The following KIFAP3 variants were observed in gnomAD, a reference collection of about 807,000 sequenced individuals.
KIFAP3 encodes the protein kinesin-associated protein 3.
Under a neutral mutation model 106.5 loss-of-function variants are expected in KIFAP3, and 68 were observed. The ratio of observed to expected loss-of-function variants is 0.64; its 90% confidence interval spans 0.53 to 0.78. The LOEUF (loss-of-function observed/expected upper bound fraction) is 0.78, where lower values mean the gene tolerates loss of function less well. Ranked by LOEUF, KIFAP3 falls within the 30% of genes least tolerant of loss-of-function variation. KIFAP3 has a pLI of 0.00. For missense variants in KIFAP3, 780 were observed against 941.8 expected (o/e 0.83, Z 2.25); for synonymous variants, 320 against 311.5 (o/e 1.03, Z -0.29).
intron 3 of KIFAP3, among the ~76,000 whole-genome samples, chr1:170,040,118 A>G (rs1669896736): frequency 6.6e-6 from 1 of 152,160 alleles, no homozygotes; most frequent in African/African-American, 2.4e-5. Context: ...AAGCTCATAC[A>G]TTCTCAACAG....
In KIFAP3 at chr1:170,081,786, A is replaced by G. The variant is rs138811311; in HGVS notation, n.174+3249T>C. On this transcript the variant is annotated intron_variant and non_coding_transcript_variant, in intron 1 of 5. Coordinates refer to the KIFAP3 transcript ENST00000490550. Reference sequence around the variant, plus strand: ...TAGGTCCTTAACTTTAATCACATCTATCAAGTTCCTTTTGCCATGTAGGTA... The same window carrying G: ...TAGGTCCTTAACTTTAATCACATCTGTCAAGTTCCTTTTGCCATGTAGGTA... Among the ~76,000 whole-genome samples, 69 of 152,298 alleles carry G rather than the reference A, an allele frequency of 4.5e-4. 4 individuals are homozygous for G. In the East Asian group the frequency reaches 0.013, roughly 29 times the overall value.
At chr1:170,084,029 A>T (rs542329602) in intron 1 of KIFAP3, among the ~76,000 whole-genome samples, 3 of 152,224 alleles carry the variant, frequency 2.0e-5, no homozygotes, top group Admixed American at 6.5e-5. Flanking sequence ...TTATAATTTG[A>T]CAGGAGAGAA....
chr1:170,015,324 T>C (rs1668449082), intron 10 of KIFAP3, among the ~76,000 whole-genome samples: 1 of 152,156 alleles, frequency 6.6e-6, no homozygotes, highest in Admixed American at 6.5e-5. Context: ...CATAATTATG[T>C]CAGATTTATA....
At chr1:169,940,481 G>C (rs1664047609) in intron 19 of KIFAP3, among the ~76,000 whole-genome samples, 1 of 152,176 alleles carries the variant, frequency 6.6e-6, no homozygotes. Flanking sequence ...ACATGGGGGA[G>C]GAGAGACGAT....
chr1:169,983,272 T>C lies in KIFAP3; in HGVS notation c.1504A>G (p.Ile502Val), dbSNP rs200812763. The change falls in exon 13 of 20, where the codon ATT becomes GTT. Residue 502 changes from isoleucine (I) to valine (V), a missense_variant and splice_region_variant. Around this residue, in one of 3 missense-constraint regions of KIFAP3, gnomAD observed 588 missense variants for 678.9 expected, o/e 0.87. Coordinates refer to ENST00000361580, the MANE Select transcript of KIFAP3 (RefSeq NM_014970.4). Reference protein sequence around the residue: ...QHDGPTKNLFIDYVGDLAAQI... With the variant: ...QHDGPTKNLFVDYVGDLAAQI... ...TAGAAAGCCAAAATGATACTTACAA[T>C]AAACAGATTTTTAGTTGGTCCATCA... is the stretch of plus-strand genomic sequence containing the variant. 2.2e-5 allele frequency: 35 copies of C among 1,575,068 alleles called. No homozygotes were observed. In the East Asian group the frequency reaches 7.7e-4, roughly 35 times the overall value.
intron 3 of KIFAP3, among the ~76,000 whole-genome samples, chr1:170,044,208 TG>T (rs557309057): frequency 2.6e-5 from 4 of 152,230 alleles, no homozygotes; most frequent in Non-Finnish European, 5.9e-5. Flanking sequence ...TTTACCTAAA[TG>T]TCTTATGAAA....
chr1:170,034,379 C>T lies in KIFAP3; in HGVS notation c.735G>A (p.Lys245=). The T allele has an allele frequency of 6.2e-7, 1 of 1,605,604 alleles. No individual in the cohort carries two copies. The highest frequency in any genetic ancestry group is 8.5e-7 in the Non-Finnish European group (1 of 1,176,372). ...ELWQEELSKK[K]KAVDEDPENQ... ...GCCACTCTAAAAGGATATCAGCTTT[C>T]TTCTTCTTTGAGAGTTCTTCTTGCC... Residue 245 remains lysine, a synonymous_variant, in exon 7 of 20, where the codon AAG becomes AAA. Transcript: ENST00000361580.
In KIFAP3 at chr1:170,038,424, T is replaced by C. The variant is rs1669797129; in HGVS notation, c.383A>G (p.Glu128Gly). 17 of 1,605,226 alleles carry C rather than the reference T, an allele frequency of 1.1e-5. No homozygotes were observed. Among genetic ancestry groups the C allele is most frequent in the Non-Finnish European group, 1.4e-5 (17 of 1,177,874 alleles). Reference protein sequence around the residue: ...PPPFEGMEIDEVANINDMDEY... With the variant: ...PPPFEGMEIDGVANINDMDEY... ...ATCCATGTCATTAATGTTAGCAACTTCATCAATCTGAAACAAAGAGGCAGA... is the reference window on the plus strand; with the variant it reads ...ATCCATGTCATTAATGTTAGCAACTCCATCAATCTGAAACAAAGAGGCAGA... Residue 128 changes from glutamate to glycine, a missense_variant, in exon 5 of 20, where the codon GAA (glutamate) becomes GGA (glycine). By Grantham distance (98) the Glu-to-Gly change is moderately conservative. This residue lies in a region of KIFAP3 where 588 missense variants were observed against 678.9 expected (regional missense o/e 0.87). Transcript: ENST00000361580.
At chr1:170,006,689 T>C (rs796200385) in intron 10 of KIFAP3, among the ~76,000 whole-genome samples, 7 of 152,230 alleles carry the variant, frequency 4.6e-5, no homozygotes, top group African/African-American at 1.7e-4. Flanking sequence ...TTTACTGACA[T>C]GAGAAAGACA....
chr1:169,935,607 T>A (rs1663747504), intron 19 of KIFAP3, among the ~76,000 whole-genome samples: 1 of 152,016 alleles, frequency 6.6e-6, no homozygotes, highest in Admixed American at 6.6e-5. Flanking sequence ...ATGTTCCTGT[T>A]TAAGTGTATT....
At chr1:170,003,622 C>A (rs1375119131) in intron 10 of KIFAP3, among the ~76,000 whole-genome samples, 1 of 152,100 alleles carries the variant, frequency 6.6e-6, no homozygotes, top group Admixed American at 6.5e-5. Context: ...TGTGCCCTGC[C>A]CCCAGAGGTG....
chr1:170,072,332 T>C (rs888087913), intron 1 of KIFAP3, among the ~76,000 whole-genome samples: 6 of 152,174 alleles, frequency 3.9e-5, no homozygotes, highest in Non-Finnish European at 8.8e-5. Flanking sequence ...CCTACCTTTA[T>C]GAACTTTATA....
intron 19 of KIFAP3, among the ~76,000 whole-genome samples, chr1:169,939,612 C>G (rs183013031): frequency 1.3e-5 from 2 of 151,970 alleles, no homozygotes; most frequent in South Asian, 4.1e-4. Flanking sequence ...AAAAGAGGGT[C>G]CCCCAAAACA....
chr1:170,062,218 AAAAAAAAAAAAG>A (rs958468486), intron 1 of KIFAP3, among the ~76,000 whole-genome samples: 10 of 150,754 alleles, frequency 6.6e-5, no homozygotes, highest in African/African-American at 2.4e-4. Context: ...ATACCATCAA[AAAAAAAAAAAAG>A]AAAAAGAAAA....
intron 11 of KIFAP3, among the ~76,000 whole-genome samples, chr1:169,986,723 C>T (rs1666846026): frequency 6.6e-6 from 1 of 151,696 alleles, no homozygotes; most frequent in African/African-American, 2.4e-5. Flanking sequence ...AAAAACCTAC[C>T]ATAGATTTTT....
At chr1:169,973,301 A>G (rs1666032178) in intron 16 of KIFAP3, among the ~76,000 whole-genome samples, 3 of 149,782 alleles carry the variant, frequency 2.0e-5, no homozygotes, top group Admixed American at 6.7e-5. Flanking sequence ...TAAAATAAAA[A>G]TAAGTGAAAA....
At chr1:169,986,938 T>G (rs989813347) in intron 11 of KIFAP3, among the ~76,000 whole-genome samples, 2 of 152,038 alleles carry the variant, frequency 1.3e-5, no homozygotes, top group South Asian at 4.1e-4. Flanking sequence ...AGAAACTAGA[T>G]TTTTAGAAAA....
intron 19 of KIFAP3, among the ~76,000 whole-genome samples, chr1:169,951,119 C>A (rs535243262): frequency 2.6e-5 from 4 of 151,914 alleles, no homozygotes; most frequent in Admixed American, 2.6e-4. Flanking sequence ...TTGTGTAATC[C>A]GTCTGTGGCT....
At chr1:170,073,529 A>G (rs1671793976) in intron 1 of KIFAP3, among the ~76,000 whole-genome samples, 1 of 152,194 alleles carries the variant, frequency 6.6e-6, no homozygotes, top group Non-Finnish European at 1.5e-5. Context: ...TCATTTTTTA[A>G]AAGTATTTCA....
Sources: allele counts gnomAD v4.1 joint callset (sites outside exome capture counted in the v4.1 genomes callset), GRCh38; gene constraint gnomAD v4.1.1; regional missense constraint gnomAD v4.1.1; transcripts MANE v1.5; gene names NCBI Gene and HGNC (gene_info 2026-07-23, HGNC 2026-07-21).